The following FLVCR2 variants were observed in gnomAD, a reference collection of about 807,000 sequenced individuals.
The protein encoded by FLVCR2 is FLVCR choline and putative heme transporter 2.
A neutral mutation model predicts 48.9 loss-of-function variants in FLVCR2; 38 were observed. The ratio of observed to expected loss-of-function variants is 0.78; its 90% CI spans 0.60 to 1.02. The LOEUF is 1.02. Among genes scored for constraint, FLVCR2 ranks in the 50% least tolerant of loss-of-function variants. FLVCR2 has a pLI of 0.00. For synonymous variants in FLVCR2, 255 were observed against 257.0 expected (o/e 0.99, Z 0.07); for missense variants, 664 against 663.3 (o/e 1.00, Z -0.01).
intron 9 of FLVCR2, among the ~76,000 whole-genome samples, chr14:75,643,181 C>G (rs1269206759): frequency 6.6e-6 from 1 of 152,204 alleles, no homozygotes; most frequent in African/African-American, 2.4e-5. Flanking sequence ...CTTTTAATGC[C>G]TGCATAGTGT....
chr14:75,638,661 T>C (rs1339035472), intron 5 of FLVCR2, among the ~76,000 whole-genome samples: 2 of 152,122 alleles, frequency 1.3e-5, no homozygotes, highest in Non-Finnish European at 2.9e-5. Context: ...TTCTTTTTTC[T>C]GGTGAGGGAT....
chr14:75,643,628 A>C lies in FLVCR2; in HGVS notation c.1509+1730A>C, dbSNP rs567371006. Among the ~76,000 whole-genome samples the C allele has an allele frequency of 9.8e-5, 15 of 152,358 alleles. No individual in the cohort carries two copies. In the East Asian group the frequency reaches 2.9e-3, roughly 29 times the overall value. On this transcript the variant is annotated intron_variant, in intron 9 of 9. Transcript: ENST00000238667. ...TTCTAGAGTTGGCAGGCAGCAGCAG[A>C]AAAGCATGTGGAAGAAGGAGCCTAG...
intron 1 of FLVCR2, among the ~76,000 whole-genome samples, chr14:75,583,968 G>A (rs1888674404): frequency 6.6e-6 from 1 of 152,226 alleles, no homozygotes; most frequent in Non-Finnish European, 1.5e-5. Flanking sequence ...GGAGATCTGG[G>A]AAGGAGTTGG....
At chr14:75,597,612 C>G (rs1374650073) in intron 1 of FLVCR2, among the ~76,000 whole-genome samples, 5 of 152,112 alleles carry the variant, frequency 3.3e-5, no homozygotes, top group Admixed American at 3.3e-4. Context: ...CTTTGCCCCC[C>G]AGGTTGGAGT....
intron 4 of FLVCR2, 62 bp downstream of exon 4, chr14:75,633,758 C>G: frequency 7.6e-7 from 1 of 1,313,680 alleles, no homozygotes. Flanking sequence ...TCTGTCTTGG[C>G]AGGACCTGGG....
In FLVCR2 at chr14:75,630,481, G is replaced by A. The variant is rs192930855; in HGVS notation, c.953-3148G>A. Among the ~76,000 whole-genome samples the A allele has an allele frequency of 7.4e-4, 113 of 152,248 alleles. 1 individual carries two copies. Among genetic ancestry groups the A allele is most frequent in the African/African-American group, 2.5e-3 (102 of 41,534 alleles). On this transcript the variant is annotated intron_variant, in intron 3 of 9. Transcript: ENST00000238667. ...ATTCCAAGAGATTCTGATTCAGTAG[G>A]TCTATGGTAGGGCCTCAAAATCTGC...
At chr14:75,626,448 G>T (rs999426971) in intron 3 of FLVCR2, among the ~76,000 whole-genome samples, 1 of 151,794 alleles carries the variant, frequency 6.6e-6, no homozygotes, top group Admixed American at 6.6e-5. Context: ...TGGTAGAGGG[G>T]CAATCCTGTT....
chr14:75,604,861 G>A (rs1177790482), intron 1 of FLVCR2, among the ~76,000 whole-genome samples: 2 of 152,140 alleles, frequency 1.3e-5, no homozygotes, highest in African/African-American at 4.8e-5. Context: ...TGTGCCTCTT[G>A]AGAGCTACTT....
In FLVCR2 at chr14:75,592,297, T is replaced by C. The variant is rs114037437; in HGVS notation, c.669+12656T>C. Among the ~76,000 whole-genome samples the C allele has an allele frequency of 2.6e-3, 398 of 152,062 alleles. 4 individuals are homozygous for C. Among genetic ancestry groups the C allele is most frequent in the African/African-American group, 9.0e-3 (374 of 41,492 alleles). On this transcript the variant is annotated intron_variant, in intron 1 of 9. Transcript: ENST00000238667. ...GTGGCCCAAGCTGTACCTGGGGCTA[T>C]TGGGCCATGGCTGCTCTGGCCAGAG... is the stretch of plus-strand genomic sequence containing the variant.
intron 9 of FLVCR2, among the ~76,000 whole-genome samples, chr14:75,644,636 T>C (rs1341549122): frequency 2.7e-4 from 41 of 152,094 alleles, no homozygotes; most frequent in Admixed American, 2.6e-3. Context: ...AGCATGGTAT[T>C]ATGGGGGGTC....
rs367663702 is a variant in FLVCR2, at chr14:75,578,854, C to CT, written c.-118dup. On this transcript the variant is annotated 5_prime_UTR_variant, in exon 1 of 10. Transcript: ENST00000238667. Reference sequence around the variant, plus strand: ...GAGGCTTTTACGCAGCCTCTAGTCTCTGTTTCTTCTGGAATAGGCAAGTGT... The same window carrying CT: ...GAGGCTTTTACGCAGCCTCTAGTCTCTTGTTTCTTCTGGAATAGGCAAGTGT... The CT allele has an allele frequency of 1.1e-6, 1 of 920,568 alleles. No homozygotes were observed. The highest frequency in any genetic ancestry group is 2.6e-5 in the East Asian group (1 of 38,706). 57.0% of individuals were successfully genotyped at this position (920,568 alleles called of 1,614,324 possible). A position where few individuals can be genotyped will look rare whatever the true frequency, so the allele number is the denominator to read the frequency against.
intron 3 of FLVCR2, among the ~76,000 whole-genome samples, chr14:75,628,530 A>G (rs936371470): frequency 3.9e-5 from 6 of 152,216 alleles, no homozygotes; most frequent in Non-Finnish European, 7.3e-5. Context: ...CATAGTGTTC[A>G]TATTTAGCTC....
intron 1 of FLVCR2, among the ~76,000 whole-genome samples, chr14:75,580,779 G>A (rs191122344): frequency 6.6e-6 from 1 of 152,130 alleles, no homozygotes; most frequent in African/African-American, 2.4e-5. Context: ...ATTAGGGTGG[G>A]GCGAAACAAA....
chr14:75,605,695 G>A (rs1200974860), intron 1 of FLVCR2: 25 of 1,432,932 alleles, frequency 1.7e-5, no homozygotes, highest in Non-Finnish European at 2.3e-5. Flanking sequence ...TAGGAGGGAG[G>A]AGTGTTTGCT....
chr14:75,619,477 TCATCCATCCATCCATCCATC>T (rs34627368), intron 1 of FLVCR2, among the ~76,000 whole-genome samples: 7 of 150,798 alleles, frequency 4.6e-5, no homozygotes, highest in African/African-American at 9.8e-5. Context: ...GTTCATCTGC[TCATCCATCCATCCATCCATC>T]CATCCATCCA....
chr14:75,632,042 T>C (rs1458460789), intron 3 of FLVCR2, among the ~76,000 whole-genome samples: 3 of 152,188 alleles, frequency 2.0e-5, no homozygotes, highest in Non-Finnish European at 4.4e-5. Context: ...GTAGCATCCC[T>C]GGGGTGAACT....
At chr14:75,586,548 T>C (rs886393803) in intron 1 of FLVCR2, among the ~76,000 whole-genome samples, 1 of 152,216 alleles carries the variant, frequency 6.6e-6, no homozygotes, top group Non-Finnish European at 1.5e-5. Flanking sequence ...TAATTTCATT[T>C]AGAAAATGTA....
intron 1 of FLVCR2, among the ~76,000 whole-genome samples, chr14:75,620,168 C>G (rs950260666): frequency 6.6e-6 from 1 of 152,072 alleles, no homozygotes; most frequent in Non-Finnish European, 1.5e-5. Flanking sequence ...TGCATTTGCC[C>G]CTCTGCTTGT....
At chr14:75,601,653 C>T (rs1327610739) in intron 1 of FLVCR2, among the ~76,000 whole-genome samples, 6 of 152,076 alleles carry the variant, frequency 3.9e-5, no homozygotes, top group African/African-American at 1.4e-4. Flanking sequence ...AATAAAATTA[C>T]CATATGATCC....
Sources: allele counts gnomAD v4.1 joint callset (sites outside exome capture counted in the v4.1 genomes callset), GRCh38; gene constraint gnomAD v4.1.1; transcripts MANE v1.5; gene names NCBI Gene and HGNC (gene_info 2026-07-23, HGNC 2026-07-21).